ZNF33B: variants seen among roughly 807,000 people sequenced by gnomAD.
ZNF33B encodes zinc finger protein 33B.
Under a neutral mutation model 45.8 loss-of-function variants are expected in ZNF33B, and 29 were observed. The ratio of observed to expected loss-of-function variants is 0.63; its 90% confidence interval spans 0.47 to 0.86. ZNF33B has a LOEUF of 0.86. ZNF33B is among the 40% of genes least tolerant of loss of function. The pLI is 0.00. For synonymous variants in ZNF33B, 305 were observed against 307.8 expected (o/e 0.99, Z 0.10); for missense variants, 831 against 909.9 (o/e 0.91, Z 1.12).
chr10:42,581,010 C>T (rs1194900809), intron 1 of ZNF33B, among the ~76,000 whole-genome samples: 1 of 152,078 alleles, frequency 6.6e-6, no homozygotes, highest in Admixed American at 6.6e-5. Context: ...CTGTCAACAA[C>T]TAAGTAAAAG....
chr10:42,592,854 C>A lies in ZNF33B; in HGVS notation c.2096G>T (p.Gly699Val), dbSNP rs1454752641. The change falls in exon 5 of 5, where the codon GGG (glycine) becomes GTG (valine). Residue 699 changes from glycine (G) to valine (V), a missense_variant. Coordinates refer to ENST00000359467, the MANE Select transcript of ZNF33B (RefSeq NM_006955.3). ...TGATGATTTGTGACTGAAGGATTTCCCACATTCATTGCATTCATAGGGTTT... is the reference window on the plus strand; with the variant it reads ...TGATGATTTGTGACTGAAGGATTTCACACATTCATTGCATTCATAGGGTTT... ...GEKPYECNEC[G>V]KSFSHKSSLT... The A allele has an allele frequency of 6.2e-7, 1 of 1,614,104 alleles. No individual in the cohort carries two copies. The highest frequency in any genetic ancestry group is 8.5e-7 in the Non-Finnish European group (1 of 1,179,968).
At chr10:42,624,844 ATTAC>A (rs1286390941) in intron 4 of ZNF33B, among the ~76,000 whole-genome samples, 1 of 152,164 alleles carries the variant, frequency 6.6e-6, no homozygotes. Context: ...AAACTTAGGC[ATTAC>A]TTATTTCTGA....
intron 4 of ZNF33B, among the ~76,000 whole-genome samples, chr10:42,618,757 T>A (rs1241823990): frequency 6.6e-6 from 1 of 152,166 alleles, no homozygotes; most frequent in African/African-American, 2.4e-5. Context: ...TTTCTGCGAA[T>A]TCTTCAAAAA....
intron 2 of ZNF33B, 105 bp from the exon 3 acceptor site, chr10:42,632,544 AAAG>A (rs1839109755): frequency 7.0e-7 from 1 of 1,422,954 alleles, no homozygotes; most frequent in Non-Finnish European, 9.4e-7. Context: ...TTTAGGGAAA[AAAG>A]AAATCATAAC....
intron 4 of ZNF33B, among the ~76,000 whole-genome samples, chr10:42,613,870 A>G (rs781767710): frequency 6.6e-6 from 1 of 152,220 alleles, no homozygotes; most frequent in African/African-American, 2.4e-5. Flanking sequence ...ATTCTCAAAT[A>G]AAAGGAAACA....
intron 1 of ZNF33B, among the ~76,000 whole-genome samples, chr10:42,583,815 TG>T (rs1836872202): frequency 1.3e-5 from 2 of 151,486 alleles, no homozygotes; most frequent in African/African-American, 4.9e-5. Context: ...GCCTCACAGA[TG>T]AGGGAATGAA....
intron 4 of ZNF33B, among the ~76,000 whole-genome samples, chr10:42,597,922 A>C (rs1837467694): frequency 6.6e-6 from 1 of 152,210 alleles, no homozygotes; most frequent in South Asian, 2.1e-4. Flanking sequence ...AAATGGCTTC[A>C]TGATTTGCAT....
chr10:42,615,208 C>T (rs1051144843), intron 4 of ZNF33B, among the ~76,000 whole-genome samples: 2 of 152,174 alleles, frequency 1.3e-5, no homozygotes, highest in African/African-American at 4.8e-5. Flanking sequence ...AACCAGCATT[C>T]TACTTCTAAG....
chr10:42,595,410 T>C (rs1187165642), intron 4 of ZNF33B, among the ~76,000 whole-genome samples: 2 of 152,082 alleles, frequency 1.3e-5, no homozygotes, highest in African/African-American at 2.4e-5. Flanking sequence ...AGGAATGAAG[T>C]TGTAAAGAGG....
chr10:42,586,628 A>AAC (rs369986308), downstream of ZNF33B, among the ~76,000 whole-genome samples: 1 of 152,036 alleles, frequency 6.6e-6, no homozygotes, highest in Admixed American at 6.5e-5. Context: ...GCTGCATGCA[A>AAC]ACACACACAC....
downstream of ZNF33B, among the ~76,000 whole-genome samples, chr10:42,586,325 AT>A (rs1293299976): frequency 4.0e-5 from 6 of 151,732 alleles, no homozygotes; most frequent in African/African-American, 1.5e-4. Context: ...GGCTTTTTGT[AT>A]TTTTAGTAGA....
At chr10:42,607,184 T>C (rs1837898482) in intron 4 of ZNF33B, among the ~76,000 whole-genome samples, 1 of 151,894 alleles carries the variant, frequency 6.6e-6, no homozygotes, top group Admixed American at 6.6e-5. Context: ...TTTACTAGAG[T>C]TAAGGTAGTA....
At chr10:42,634,620 G>A (rs780785809) in intron 2 of ZNF33B, among the ~76,000 whole-genome samples, 1 of 152,042 alleles carries the variant, frequency 6.6e-6, no homozygotes, top group Non-Finnish European at 1.5e-5. Context: ...ACAGAACACA[G>A]TCCAAAAAAA....
rs59259404 is a variant in ZNF33B, at chr10:42,612,233, A to ATTTTTTT, written c.251-17541_251-17535dup. 8.4e-5 allele frequency among the ~76,000 whole-genome samples: 10 copies of ATTTTTTT among 119,338 alleles called. 1 individual carries two copies. The highest frequency in any genetic ancestry group is 1.9e-4 in the Admixed American group (2 of 10,748). The allele number at this position is 119,338 out of a possible 152,430, so 78.3% of individuals were successfully genotyped here. A position where few individuals can be genotyped will look rare whatever the true frequency, so the allele number is the denominator to read the frequency against. On this transcript the variant is annotated intron_variant, in intron 4 of 4. Coordinates refer to ENST00000359467, the MANE Select transcript of ZNF33B (RefSeq NM_006955.3). ...TTGACGTGGCAGGTTACAGAAGTTG[A>ATTTTTTT]TTTTTTTTTTTTTTTTTTTTGAGAC...
chr10:42,631,834 T>C (rs1471779790), intron 4 of ZNF33B, 95 bp downstream of exon 4: 1 of 1,038,234 alleles, frequency 9.6e-7, no homozygotes, highest in Non-Finnish European at 1.5e-6. Context: ...ATGGAGATGT[T>C]CTTGAAAAAT....
At chr10:42,623,208 G>A (rs185064767) in intron 4 of ZNF33B, among the ~76,000 whole-genome samples, 43 of 152,326 alleles carry the variant, frequency 2.8e-4, no homozygotes, top group African/African-American at 9.6e-4. Flanking sequence ...CAGAGGCTGT[G>A]GTGAGCCGAG....
chr10:42,604,892 G>A (rs112849205), intron 4 of ZNF33B, among the ~76,000 whole-genome samples: 158 of 151,748 alleles, frequency 1.0e-3, no homozygotes, highest in African/African-American at 3.6e-3. Context: ...CTGCACTCCA[G>A]CTTGGGCAAC....
At chr10:42,605,972 C>CCTAT (rs981240082) in intron 4 of ZNF33B, among the ~76,000 whole-genome samples, 1 of 151,898 alleles carries the variant, frequency 6.6e-6, no homozygotes, top group Non-Finnish European at 1.5e-5. Context: ...GTGGCACACA[C>CCTAT]CTATAGTCTC....
At chr10:42,576,636 A>G (rs541002295) in intron 1 of ZNF33B, among the ~76,000 whole-genome samples, 1 of 152,290 alleles carries the variant, frequency 6.6e-6, no homozygotes, top group African/African-American at 2.4e-5. Context: ...GAGATCCTGT[A>G]AAGTGTGAAT....
Sources: gnomAD v4.1 joint callset for allele counts (sites outside exome capture counted in the v4.1 genomes callset) on GRCh38, gnomAD v4.1.1 for gene constraint, MANE v1.5 for transcripts, NCBI Gene and HGNC (gene_info 2026-07-23, HGNC 2026-07-21) for gene names.